DOCK1: variants seen among roughly 807,000 people sequenced by gnomAD.
DOCK1 encodes dedicator of cytokinesis protein 1.
Under a neutral mutation model 262.7 loss-of-function variants are expected in DOCK1, and 138 were observed. That is an observed-to-expected ratio of 0.53 (90% confidence interval 0.46 to 0.61). The LOEUF (loss-of-function observed/expected upper bound fraction) is 0.61, where lower values mean the gene tolerates loss of function less well. DOCK1 is among the 20% of genes least tolerant of loss of function. DOCK1 has a pLI of 0.00. For missense variants in DOCK1, 1,908 were observed against 2,370.7 expected, an observed-to-expected ratio of 0.80 and a Z score of 4.05; for synonymous variants, 866 against 867.4, an observed-to-expected ratio of 1.00 and a Z score of 0.03.
intron 25 of DOCK1, among the ~76,000 whole-genome samples, chr10:127,115,676 GT>G: frequency 6.6e-6 from 1 of 152,314 alleles, no homozygotes; most frequent in Admixed American, 6.5e-5. Flanking sequence ...TAACATTAAT[GT>G]TATAGAAATT....
intron 29 of DOCK1, among the ~76,000 whole-genome samples, chr10:127,325,469 T>C (rs903118005): frequency 2.0e-5 from 3 of 152,252 alleles, no homozygotes; most frequent in Non-Finnish European, 4.4e-5. Flanking sequence ...ATTTCACAGA[T>C]GCAGAATCTA....
chr10:127,168,767 A>G (rs2133801194), intron 27 of DOCK1, among the ~76,000 whole-genome samples: 1 of 152,354 alleles, frequency 6.6e-6, no homozygotes, highest in Middle Eastern at 3.4e-3. Flanking sequence ...GGAAGCCAGG[A>G]AATCAGACTC....
chr10:126,948,599 T>C (rs955340837), intron 1 of DOCK1, among the ~76,000 whole-genome samples: 16 of 152,012 alleles, frequency 1.1e-4, no homozygotes, highest in Non-Finnish European at 1.9e-4. Context: ...CTCAAAATGC[T>C]CCAGGCCACA....
intron 20 of DOCK1, 74 bp downstream of exon 20, chr10:127,042,788 C>A: frequency 1.3e-6 from 2 of 1,483,342 alleles, no homozygotes; most frequent in Non-Finnish European, 1.9e-6. Context: ...AGGCTGGAGT[C>A]GGGGGCTTCG....
At chr10:127,183,609 G>A (rs1464722843) in intron 27 of DOCK1, among the ~76,000 whole-genome samples, 1 of 152,180 alleles carries the variant, frequency 6.6e-6, no homozygotes, top group East Asian at 1.9e-4. Flanking sequence ...GTTAGTGCTT[G>A]TAATCTTCTC....
intron 29 of DOCK1, among the ~76,000 whole-genome samples, chr10:127,324,868 T>G (rs1279413690): frequency 6.6e-6 from 1 of 152,124 alleles, no homozygotes; most frequent in Non-Finnish European, 1.5e-5. Flanking sequence ...CAGAAGCAAA[T>G]GAGAAAGTAT....
At chr10:127,230,036 C>A (rs143285866) in intron 27 of DOCK1, among the ~76,000 whole-genome samples, 347 of 152,244 alleles carry the variant, frequency 2.3e-3, no homozygotes, top group African/African-American at 6.9e-3. Flanking sequence ...TGAAAAATAT[C>A]TATCCAGTGA....
At chr10:127,403,428 T>A (rs1387518126) in intron 39 of DOCK1, among the ~76,000 whole-genome samples, 1 of 152,236 alleles carries the variant, frequency 6.6e-6, no homozygotes, top group African/African-American at 2.4e-5. Context: ...ATAGCGGTCT[T>A]GACAGCCCAG....
At chr10:126,956,581 C>T (rs1279509607) in intron 1 of DOCK1, among the ~76,000 whole-genome samples, 1 of 152,332 alleles carries the variant, frequency 6.6e-6, no homozygotes, top group East Asian at 1.9e-4. Context: ...AGCAGCTCCT[C>T]AGCTCGCACT....
At chr10:126,980,375 C>T (rs934641324) in intron 3 of DOCK1, among the ~76,000 whole-genome samples, 1 of 151,862 alleles carries the variant, frequency 6.6e-6, no homozygotes, top group East Asian at 2.0e-4. Flanking sequence ...AAAAAAATTT[C>T]GGCAGTGAAA....
Position 127,410,900 on chromosome 10 carries a change from G to A in DOCK1, c.4404G>A (p.Glu1468=). 1 of 1,613,660 alleles carries A rather than the reference G, an allele frequency of 6.2e-7. No homozygotes were observed. Among genetic ancestry groups the A allele is most frequent in the Non-Finnish European group, 8.5e-7 (1 of 1,179,836 alleles). Residue 1468 remains glutamate, a synonymous_variant, in exon 43 of 52, where the codon GAG becomes GAA. Transcript: ENST00000623213. ...ATTCTCGGCCAATCCGGAAGGGAGA[G>A]AAAAACCCAGACAATGAATTTGCGG... ...FEYSRPIRKG[E]KNPDNEFANM...
chr10:127,210,806 G>T (rs2057940852), intron 27 of DOCK1, among the ~76,000 whole-genome samples: 1 of 152,106 alleles, frequency 6.6e-6, no homozygotes, highest in South Asian at 2.1e-4. Context: ...TCCCTCCGCT[G>T]CATTGTTCTA....
intron 1 of DOCK1, among the ~76,000 whole-genome samples, chr10:126,911,869 T>C (rs1284410073): frequency 1.3e-5 from 2 of 152,192 alleles, no homozygotes; most frequent in African/African-American, 2.4e-5. Flanking sequence ...ATTGATATGA[T>C]GGGAAGTGCT....
At chr10:126,907,983 A>G (rs1271100382) in intron 1 of DOCK1, among the ~76,000 whole-genome samples, 8 of 152,244 alleles carry the variant, frequency 5.3e-5, no homozygotes. Context: ...ATGCTAGGAA[A>G]GATGTGAAGG....
At chr10:127,307,552 A>G (rs780213318) in intron 29 of DOCK1, among the ~76,000 whole-genome samples, 5 of 152,168 alleles carry the variant, frequency 3.3e-5, no homozygotes, top group African/African-American at 1.2e-4. Context: ...AGGAGGTGTC[A>G]CATAGTCATG....
At chr10:127,099,110 T>C (rs35717201) in intron 23 of DOCK1, among the ~76,000 whole-genome samples, 34,220 of 151,888 alleles carry the variant, frequency 0.23, 5,448 homozygotes, top group African/African-American at 0.46. Context: ...TCAAACTGGA[T>C]GGGGAAGACA....
chr10:127,067,949 A>AT (rs2135893649), intron 23 of DOCK1, among the ~76,000 whole-genome samples: 2 of 152,116 alleles, frequency 1.3e-5, no homozygotes, highest in South Asian at 4.2e-4. Flanking sequence ...TGGCACACAG[A>AT]TGCAGAAGGT....
intron 23 of DOCK1, among the ~76,000 whole-genome samples, chr10:127,064,397 A>G (rs2045727101): frequency 6.6e-6 from 1 of 152,332 alleles, no homozygotes; most frequent in African/African-American, 2.4e-5. Flanking sequence ...GAGGGAGGGC[A>G]GGAGGAACTT....
At chr10:127,123,830 C>T (rs972795183) in intron 25 of DOCK1, among the ~76,000 whole-genome samples, 11 of 152,154 alleles carry the variant, frequency 7.2e-5, no homozygotes, top group African/African-American at 1.9e-4. Flanking sequence ...CCACAGCCTT[C>T]GAGGCTGACC....
Sources: gnomAD v4.1 joint callset for allele counts (sites outside exome capture counted in the v4.1 genomes callset) on GRCh38, gnomAD v4.1.1 for gene constraint, MANE v1.5 for transcripts, NCBI Gene and HGNC (gene_info 2026-07-23, HGNC 2026-07-21) for gene names.